Variants in TMEM243 observed in about 807,000 individuals in gnomAD.
TMEM243 encodes the protein MDR1 and mitochondrial taxol resistance associated.
In TMEM243, 20 loss-of-function variants were observed where a neutral mutation model predicts 15.0. The ratio of observed to expected loss-of-function variants is 1.33; its 90% confidence interval spans 0.94 to 1.93. The LOEUF (loss-of-function observed/expected upper bound fraction) is 1.93. TMEM243 is among the 30% of genes most tolerant of loss of function. The pLI, the probability that TMEM243 is intolerant of heterozygous loss-of-function variation, is 0.00. For missense variants in TMEM243, 156 were observed against 142.1 expected (o/e 1.10, Z -0.50); for synonymous variants, 72 against 52.7 (o/e 1.37, Z -1.59).
At chr7:87,205,511 C>T (rs1312456383) in intron 1 of TMEM243, among the ~76,000 whole-genome samples, 3 of 152,154 alleles carry the variant, frequency 2.0e-5, no homozygotes, top group South Asian at 4.1e-4. Flanking sequence ...TGCTTTGCTG[C>T]TTAGAAATTT....
chr7:87,209,846 G>GAC (rs1562885728), intron 1 of TMEM243, among the ~76,000 whole-genome samples: 2 of 131,270 alleles, frequency 1.5e-5, no homozygotes, highest in Non-Finnish European at 3.1e-5. Context: ...GAGAGACAGT[G>GAC]AGAGCGAGAG....
At chr7:87,208,433 A>C (rs1802381150) in intron 1 of TMEM243, among the ~76,000 whole-genome samples, 1 of 152,192 alleles carries the variant, frequency 6.6e-6, no homozygotes, top group South Asian at 2.1e-4. Context: ...GGTCATGCTG[A>C]TGCAAGAGGT....
intron 1 of TMEM243, chr7:87,199,687 C>G (rs555511264): frequency 6.6e-6 from 1 of 152,226 alleles, no homozygotes; most frequent in East Asian, 1.9e-4. Flanking sequence ...TCTTGTCATT[C>G]CCATCCCACC....
At chr7:87,203,904 G>C (rs1026167470) in intron 1 of TMEM243, among the ~76,000 whole-genome samples, 1 of 152,114 alleles carries the variant, frequency 6.6e-6, no homozygotes, top group Admixed American at 6.5e-5. Flanking sequence ...AAAAAAGCAA[G>C]CTCTGGCATG....
chr7:87,205,393 ATT>A (rs537145767), intron 1 of TMEM243, among the ~76,000 whole-genome samples: 1 of 150,594 alleles, frequency 6.6e-6, no homozygotes, highest in African/African-American at 2.4e-5. Context: ...CTCCTTAGGA[ATT>A]TTTTTTGTTC....
chr7:87,203,843 T>G (rs1277428694), intron 1 of TMEM243, among the ~76,000 whole-genome samples: 1 of 152,162 alleles, frequency 6.6e-6, no homozygotes, highest in Non-Finnish European at 1.5e-5. Context: ...CAATCATTTC[T>G]TATATTGGTC....
rs760017815 is a variant in TMEM243 at position 87,199,062 on chromosome 7, AAG to A, written c.79-7_79-6del. 1.6e-5 allele frequency: 26 copies of A among 1,604,256 alleles called. No individual in the cohort carries two copies. The African/African-American group carries it at 2.8e-4, about 17-fold the overall frequency. On this transcript the variant is annotated splice_region_variant and splice_polypyrimidine_tract_variant and intron_variant, in intron 1 of 3. Transcript: ENST00000257637. ...AACTAAATTGATGATTCGATCCTGA[AAG>A]AGAAAAGAATTTTTAAGCCATATGA...
chr7:87,202,197 A>T (rs1801866692), intron 1 of TMEM243, among the ~76,000 whole-genome samples: 1 of 152,208 alleles, frequency 6.6e-6, no homozygotes, highest in African/African-American at 2.4e-5. Context: ...CACTATCCAG[A>T]GTTCAGGAGG....
In TMEM243 at chr7:87,219,676, G is replaced by C. The variant is rs1045042762; in HGVS notation, c.-173C>G. 1 of 618,048 alleles carries C rather than the reference G, an allele frequency of 1.6e-6. No homozygotes were observed. The highest frequency in any genetic ancestry group is 2.9e-5 in the Admixed American group (1 of 34,590). The allele number at this position is 618,048 out of a possible 1,614,324, so 38.3% of individuals were successfully genotyped here. ...GTGGGGGCTCACACGCGGGGAACGC[G>C]ACTGCTCCGCCCCGGCCCCGCGCAC... On this transcript the variant is annotated 5_prime_UTR_variant, in exon 1 of 4. Transcript: ENST00000257637.
Position 87,196,589 on chromosome 7 carries a change from A to C in TMEM243, c.*47T>G. 2 of 1,575,614 alleles carry C rather than the reference A, an allele frequency of 1.3e-6. No individual in the cohort carries two copies. The highest frequency in any genetic ancestry group is 4.6e-5 in the East Asian group (2 of 43,358). On this transcript the variant is annotated 3_prime_UTR_variant, in exon 4 of 4. Transcript: ENST00000257637. ...TTATCCAAAAATTACTCACTGTCCT[A>C]ATGTATCATTTTGAAGAGTCCTGGT...
chr7:87,203,248 C>G (rs1321806177), intron 1 of TMEM243, among the ~76,000 whole-genome samples: 1 of 151,896 alleles, frequency 6.6e-6, no homozygotes, highest in African/African-American at 2.4e-5. Flanking sequence ...AACTAACCAA[C>G]AATAAAAAGA....
At chr7:87,209,702 CAGTGAG>C (rs1802544959) in intron 1 of TMEM243, among the ~76,000 whole-genome samples, 4 of 111,842 alleles carry the variant, frequency 3.6e-5, no homozygotes, top group African/African-American at 1.6e-4. Context: ...GAGCGAGACA[CAGTGAG>C]AGCGAGACAC....
intron 1 of TMEM243, chr7:87,218,563 A>T (rs1803269239): frequency 6.6e-6 from 1 of 151,470 alleles, no homozygotes; most frequent in Admixed American, 6.6e-5. Flanking sequence ...AAAGCACTTT[A>T]TCAGAGGTCA....
chr7:87,220,273 C>G (rs1194778917), upstream of TMEM243: 1 of 153,120 alleles, frequency 6.5e-6, no homozygotes, highest in African/African-American at 2.4e-5. Context: ...CGCTCTCTGC[C>G]GGAACTGCAG....
At chr7:87,209,424 AAG>A (rs560648120) in intron 1 of TMEM243, among the ~76,000 whole-genome samples, 161 of 150,410 alleles carry the variant, frequency 1.1e-3, no homozygotes, top group African/African-American at 3.0e-3. Flanking sequence ...GCGAGAGTGA[AAG>A]AGAGTGAGAC....
Position 87,204,200 on chromosome 7 carries a change from G to A in TMEM243, c.79-5143C>T, listed in dbSNP as rs199787793. ...CTACGAGAACAGTATGGGGGAAACC[G>A]TCCCCATGATTCAGTCATCTCCCAC... On this transcript the variant is annotated intron_variant, in intron 1 of 3. Coordinates refer to ENST00000257637, the MANE Select transcript of TMEM243 (RefSeq NM_024315.4). 7.5e-4 allele frequency among the ~76,000 whole-genome samples: 114 copies of A among 152,254 alleles called. 1 individual carries two copies. The East Asian group carries it at 8.1e-3, about 11-fold the overall frequency.
chr7:87,209,903 TGA>T (rs1372156501), intron 1 of TMEM243, among the ~76,000 whole-genome samples: 1 of 102,612 alleles, frequency 9.7e-6, no homozygotes, highest in Non-Finnish European at 1.9e-5. Context: ...AGTGAGAGAG[TGA>T]GAGACAGAGA....
chr7:87,217,149 A>C (rs1183901597), intron 1 of TMEM243, among the ~76,000 whole-genome samples: 2 of 152,232 alleles, frequency 1.3e-5, no homozygotes, highest in Non-Finnish European at 2.9e-5. Flanking sequence ...CTCATAAAGC[A>C]AGTAAGATTA....
chr7:87,200,399 C>A (rs1473346646), intron 1 of TMEM243, among the ~76,000 whole-genome samples: 1 of 152,188 alleles, frequency 6.6e-6, no homozygotes, highest in African/African-American at 2.4e-5. Context: ...ACTTTAACTT[C>A]TTCCCACATG....
Sources: gnomAD v4.1 joint callset for allele counts (sites outside exome capture counted in the v4.1 genomes callset) on GRCh38, gnomAD v4.1.1 for gene constraint, MANE v1.5 for transcripts, NCBI Gene and HGNC (gene_info 2026-07-23, HGNC 2026-07-21) for gene names.